NES: variants seen among roughly 807,000 people sequenced by gnomAD.
The protein encoded by NES is nestin.
Under a neutral mutation model 35.6 loss-of-function variants are expected in NES, and 27 were observed. The ratio of observed to expected loss-of-function variants is 0.76; its 90% CI spans 0.56 to 1.04. NES has a LOEUF of 1.04. Among genes scored for constraint, NES ranks in the 50% least tolerant of loss-of-function variants. The pLI is 0.00. For missense variants in NES, 1,867 were observed against 1,983.6 expected, an observed-to-expected ratio of 0.94 and a Z score of 1.12; for synonymous variants, 822 against 824.2, an observed-to-expected ratio of 1.00 and a Z score of 0.04.
chr1:156,672,783 G>A lies in NES; in HGVS notation c.1405C>T (p.Pro469Ser). The A allele has an allele frequency of 6.2e-7, 1 of 1,613,550 alleles. No individual in the cohort carries two copies. Among genetic ancestry groups the A allele is most frequent in the South Asian group, 1.1e-5 (1 of 91,082 alleles). Reference protein sequence around the residue: ...SPEDHASLAPPLSPDHSSLEA... With the variant: ...SPEDHASLAPSLSPDHSSLEA... ...AAACTGGAGTGGTCAGGGCTGAGGG[G>A]TGGTGCCAAGGAGGCATGGTCCTCT... Residue 469 changes from proline (P) to serine (S), a missense_variant, in exon 4 of 4, where the codon CCC becomes TCC. Coordinates refer to ENST00000368223, the MANE Select transcript of NES (RefSeq NM_006617.2).
chr1:156,675,127 C>A, intron 2 of NES, 89 bp downstream of exon 2: 2 of 1,500,422 alleles, frequency 1.3e-6, no homozygotes, highest in Non-Finnish European at 1.8e-6. Context: ...TTGCCATCAC[C>A]TACACCTCTG....
Position 156,676,765 on chromosome 1 carries a change from CCGCGGGGCGG to C in NES, c.490_499del (p.Pro164GlyfsTer9), listed in dbSNP as rs1255241814. The C allele has an allele frequency of 2.2e-6, 3 of 1,358,590 alleles. No homozygotes were observed. Among genetic ancestry groups the C allele is most frequent in the African/African-American group, 1.5e-5 (1 of 65,328 alleles). The allele number at this position is 1,358,590 out of a possible 1,614,324, so 84.2% of individuals were successfully genotyped here. On this transcript the variant is annotated frameshift_variant, in exon 1 of 4. Coordinates refer to ENST00000368223, the MANE Select transcript of NES (RefSeq NM_006617.2). LOFTEE classifies it high-confidence loss of function. The surrounding 1 kb of genome is among the most constrained non-coding windows in gnomAD (Gnocchi z 5.3). ...TACCTCCGGGGCCGGCGCGGGAGGC[CCGCGGGGCGG>C]CGCGGGGCAGCGGGGGGCACAGGCA...
rs747164825 is a variant in NES, at chr1:156,671,718, C to T, written c.2470G>A (p.Glu824Lys). ...GCAGACTTCAGTGATTCTAGGATCT[C>T]TGTTTCTAAAGATTTTACTGCCTCT... ...SVEAVKSLET[E>K]ILESLKSAGQ... The change falls in exon 4 of 4, where the codon GAG becomes AAG. Residue 824 changes from glutamate to lysine, a missense_variant. Transcript: ENST00000368223. 7 of 1,613,878 alleles carry T rather than the reference C, an allele frequency of 4.3e-6. No homozygotes were observed. The highest frequency in any genetic ancestry group is 2.5e-6 in the Non-Finnish European group (3 of 1,179,990).
intron 2 of NES, 137 bp downstream of exon 2, chr1:156,675,079 T>C (rs1647229097): frequency 1.8e-6 from 2 of 1,125,706 alleles, no homozygotes; most frequent in Non-Finnish European, 2.5e-6. Flanking sequence ...GGTGTGGAAG[T>C]GACCAGCCTA....
chr1:156,676,611 G>A lies in NES; in HGVS notation c.654C>T (p.Ala218=), dbSNP rs1415334919. 10 of 1,567,402 alleles carry A rather than the reference G, an allele frequency of 6.4e-6. No homozygotes were observed. In the African/African-American group the frequency reaches 6.8e-5, roughly 11 times the overall value. ...RERLGRAVQG[A]REGRLELQQL... is the part of the protein sequence containing the mutation. ...GCTGCAGCTCCAGGCGGCCCTCGCGGGCACCCTGCACCGCCCGGCCCAGCC... is the reference window on the plus strand; with the variant it reads ...GCTGCAGCTCCAGGCGGCCCTCGCGAGCACCCTGCACCGCCCGGCCCAGCC... The change falls in exon 1 of 4, where the codon GCC becomes GCT. Residue 218 remains alanine (A), a synonymous_variant. Coordinates refer to ENST00000368223, the MANE Select transcript of NES (RefSeq NM_006617.2). This position sits in a 1 kb window ranked among gnomAD's most constrained non-coding sequence, Gnocchi z 5.3.
intron 1 of NES, among the ~76,000 whole-genome samples, chr1:156,675,704 G>A (rs1446377446): frequency 6.6e-6 from 1 of 152,212 alleles, no homozygotes; most frequent in Non-Finnish European, 1.5e-5. Context: ...AGCGAAAGCA[G>A]AAGGAAAAAC....
Position 156,676,643 on chromosome 1 carries a change from G to T in NES, c.622C>A (p.Arg208Ser). The change falls in exon 1 of 4, where the codon CGC (arginine) becomes AGC (serine). Residue 208 changes from arginine (R) to serine (S), a missense_variant. Coordinates refer to ENST00000368223, the MANE Select transcript of NES (RefSeq NM_006617.2). The surrounding 1 kb of genome is among the most constrained non-coding windows in gnomAD (Gnocchi z 5.3). ...AHMETSLGQA[R>S]ERLGRAVQGA... Reference sequence around the variant, plus strand: ...TGCACCGCCCGGCCCAGCCGCTCGCGGGCCTGGCCCAGCGACGTCTCCATG... The same window carrying T: ...TGCACCGCCCGGCCCAGCCGCTCGCTGGCCTGGCCCAGCGACGTCTCCATG... 1 of 1,528,244 alleles carries T rather than the reference G, an allele frequency of 6.5e-7. No individual in the cohort carries two copies. Among genetic ancestry groups the T allele is most frequent in the Non-Finnish European group, 8.7e-7 (1 of 1,150,932 alleles). 94.7% of individuals were successfully genotyped at this position (1,528,244 alleles called of 1,614,324 possible). A position where few individuals can be genotyped will look rare whatever the true frequency, so the allele number is the denominator to read the frequency against.
In NES at chr1:156,674,506, G is replaced by C. The variant is rs536653271; in HGVS notation, c.908+710C>G. 2.2e-4 allele frequency among the ~76,000 whole-genome samples: 33 copies of C among 152,188 alleles called. No homozygotes were observed. The South Asian group carries it at 6.6e-3, about 31-fold the overall frequency. On this transcript the variant is annotated intron_variant, in intron 2 of 3. Coordinates refer to ENST00000368223, the MANE Select transcript of NES (RefSeq NM_006617.2). ...CTGGATCTCATGTGGCCCCTCACCA[G>C]CCACAGAGCCCCTTCCTCAGGCCCC...
In NES at chr1:156,672,554, G is replaced by T. The variant is rs1356462487; in HGVS notation, c.1634C>A (p.Thr545Asn). ...QDSQVPLEKE[T>N]LKSLGEEIQE... ...AATCTCCTCTCCCAGAGACTTCAGG[G>T]TTTCTTTTTCCAAAGGAACCTGGGA... The change falls in exon 4 of 4, where the codon ACC becomes AAC. Residue 545 changes from threonine to asparagine, a missense_variant. Thr to Asn is a moderately conservative substitution (Grantham distance 65, BLOSUM62 0). Transcript: ENST00000368223. 1.9e-6 allele frequency: 3 copies of T among 1,613,910 alleles called. No individual in the cohort carries two copies. Among genetic ancestry groups the T allele is most frequent in the Non-Finnish European group, 2.5e-6 (3 of 1,180,004 alleles).
At chr1:156,675,439 G>A in intron 1 of NES, 99 bp from the exon 2 acceptor site, 2 of 1,376,380 alleles carry the variant, frequency 1.5e-6, no homozygotes. Context: ...AGCACCTCCT[G>A]CTCCCTGGCT....
At position 156,676,829 on chromosome 1, in the gene NES, C is replaced by T. The variant is rs868037834; in HGVS notation, c.436G>A (p.Glu146Lys). Residue 146 changes from glutamate (E) to lysine (K), a missense_variant, in exon 1 of 4, where the codon GAG (glutamate) becomes AAG (lysine). Physicochemically the swap from Glu to Lys is moderately conservative, Grantham distance 56. Transcript: ENST00000368223. This position sits in a 1 kb window ranked among gnomAD's most constrained non-coding sequence, Gnocchi z 5.3. Reference sequence around the variant, plus strand: ...TGCGCGTTCAGGCCGACGCGCTCCTCCTCGTGCGCCACGCGTAGAGCCTCT... The same window carrying T: ...TGCGCGTTCAGGCCGACGCGCTCCTTCTCGTGCGCCACGCGTAGAGCCTCT... The part of the protein sequence containing the change: ...ELEALRVAHE[E>K]ERVGLNAQAA... 1 of 1,451,086 alleles carries T rather than the reference C, an allele frequency of 6.9e-7. No individual in the cohort carries two copies. Among genetic ancestry groups the T allele is most frequent in the Non-Finnish European group, 9.0e-7 (1 of 1,115,564 alleles). 89.9% of individuals were successfully genotyped at this position (1,451,086 alleles called of 1,614,324 possible).
rs1252284094 is a variant in NES at position 156,673,523 on chromosome 1, G to T, written c.913C>A (p.Leu305Ile). Residue 305 changes from leucine (L) to isoleucine (I), a missense_variant, in exon 3 of 4, where the codon CTC becomes ATC. By Grantham distance (5) the Leu-to-Ile change is conservative. Transcript: ENST00000368223. Reference protein sequence around the residue: ...LSLEVATYRTLLEAENSRLQT... With the variant: ...LSLEVATYRTILEAENSRLQT... Reference sequence around the variant, plus strand: ...AGCCGGGAGTTCTCAGCCTCCAGGAGGGTCCTGGAGAGGACAGAGGGAAAG... The same window carrying T: ...AGCCGGGAGTTCTCAGCCTCCAGGATGGTCCTGGAGAGGACAGAGGGAAAG... 2.5e-6 allele frequency: 4 copies of T among 1,609,778 alleles called. No individual in the cohort carries two copies. The highest frequency in any genetic ancestry group is 3.4e-6 in the Non-Finnish European group (4 of 1,176,814).
At chr1:156,673,352 C>A (rs1449944317) in intron 3 of NES, 102 bp downstream of exon 3, 2 of 1,348,148 alleles carry the variant, frequency 1.5e-6, no homozygotes, top group Admixed American at 2.0e-5. Flanking sequence ...ACACTGGAGG[C>A]CACGGACTTG....
rs753381641 is a variant in NES at position 156,676,936 on chromosome 1, G to T, written c.329C>A (p.Ala110Asp). 2.9e-5 allele frequency: 45 copies of T among 1,553,286 alleles called. No individual in the cohort carries two copies. The Middle Eastern group carries it at 1.8e-3, about 61-fold the overall frequency. Residue 110 changes from alanine to aspartate, a missense_variant, in exon 1 of 4, where the codon GCC (alanine) becomes GAC (aspartate). Ala to Asp is a moderately radical substitution (Grantham distance 126). Coordinates refer to ENST00000368223, the MANE Select transcript of NES (RefSeq NM_006617.2). The surrounding 1 kb of genome is among the most constrained non-coding windows in gnomAD (Gnocchi z 5.3). Reference protein sequence around the residue: ...LARERTTEEVARNRRAVEAEK... With the variant: ...LARERTTEEVDRNRRAVEAEK... Reference sequence around the variant, plus strand: ...TGCCTCGACGGCGCGCCGGTTGCGGGCTACCTCCTCCGTCGTCCGCTCCCG... The same window carrying T: ...TGCCTCGACGGCGCGCCGGTTGCGGTCTACCTCCTCCGTCGTCCGCTCCCG...
rs529987397 is a variant in NES, at chr1:156,676,956, C to T, written c.309G>A (p.Glu103=). Reference sequence around the variant, plus strand: ...TGCGGGCTACCTCCTCCGTCGTCCGCTCCCGGGCCAGCCGCAGCTGCTGGC... The same window carrying T: ...TGCGGGCTACCTCCTCCGTCGTCCGTTCCCGGGCCAGCCGCAGCTGCTGGC... ...GRCQQLRLAR[E]RTTEEVARNR... Residue 103 remains glutamate, a synonymous_variant, in exon 1 of 4, where the codon GAG becomes GAA. Coordinates refer to ENST00000368223, the MANE Select transcript of NES (RefSeq NM_006617.2). This position sits in a 1 kb window ranked among gnomAD's most constrained non-coding sequence, Gnocchi z 5.3. The T allele has an allele frequency of 5.1e-5, 79 of 1,558,872 alleles. No individual in the cohort carries two copies. In the East Asian group the frequency reaches 5.3e-4, roughly 10 times the overall value.
Position 156,677,122 on chromosome 1 carries a change from G to C in NES, c.143C>G (p.Ala48Gly). Reference sequence around the variant, plus strand: ...GGCATGCGCCCGCCAGGAGGTGTCCGCGGATTGTGCCCGGAGCCCCCCGAG... The same window carrying C: ...GGCATGCGCCCGCCAGGAGGTGTCCCCGGATTGTGCCCGGAGCCCCCCGAG... ...AELGGLRAQSADTSWRAHADD... is the reference protein window; with the variant it reads ...AELGGLRAQSGDTSWRAHADD... The change falls in exon 1 of 4, where the codon GCG (alanine) becomes GGG (glycine). Residue 48 changes from alanine to glycine, a missense_variant. By Grantham distance (60) the Ala-to-Gly change is moderately conservative (BLOSUM62 0). Coordinates refer to ENST00000368223, the MANE Select transcript of NES (RefSeq NM_006617.2). The surrounding 1 kb of genome is among the most constrained non-coding windows in gnomAD (Gnocchi z 4.5). The C allele has an allele frequency of 1.9e-6, 3 of 1,607,360 alleles. No individual in the cohort carries two copies. The highest frequency in any genetic ancestry group is 2.2e-5 in the South Asian group (2 of 90,218).
At position 156,677,138 on chromosome 1, in the gene NES, GC is replaced by G. The variant is rs1437202416; in HGVS notation, c.126del (p.Leu43SerfsTer67). The G allele has an allele frequency of 3.7e-6, 6 of 1,609,438 alleles. No individual in the cohort carries two copies. The highest frequency in any genetic ancestry group is 5.1e-6 in the Non-Finnish European group (6 of 1,178,676). On this transcript the variant is annotated frameshift_variant, in exon 1 of 4. Coordinates refer to ENST00000368223, the MANE Select transcript of NES (RefSeq NM_006617.2). LOFTEE classifies it high-confidence loss of function. The surrounding 1 kb of genome is among the most constrained non-coding windows in gnomAD (Gnocchi z 4.5). ...QNELLSAELG[G>X]LRAQSADTSW... ...GAGGTGTCCGCGGATTGTGCCCGGAGCCCCCCGAGCTCCGCGCTGAGCAGCT... is the reference window on the plus strand; with the variant it reads ...GAGGTGTCCGCGGATTGTGCCCGGAGCCCCCGAGCTCCGCGCTGAGCAGCT...
rs1191275872 is a variant in NES, at chr1:156,676,387, AG to A, written c.783+94del. 2.4e-6 allele frequency: 3 copies of A among 1,266,426 alleles called. No homozygotes were observed. The East Asian group carries it at 7.4e-5, about 31-fold the overall frequency. The allele number at this position is 1,266,426 out of a possible 1,614,324, so 78.4% of individuals were successfully genotyped here. A position where few individuals can be genotyped will look rare whatever the true frequency, so the allele number is the denominator to read the frequency against. On this transcript the variant is annotated intron_variant, in intron 1 of 3. Transcript: ENST00000368223. The surrounding 1 kb of genome is among the most constrained non-coding windows in gnomAD (Gnocchi z 5.3). ...CTGGCTCCTGATTCAGCAGCCAGCT[AG>A]CCCCACTCCCTTCCCAGAAGGTCTC...
chr1:156,677,281 A>C lies in NES; in HGVS notation c.-17T>G, dbSNP rs1355410148. The C allele has an allele frequency of 6.3e-7, 1 of 1,598,918 alleles. No individual in the cohort carries two copies. Among genetic ancestry groups the C allele is most frequent in the Admixed American group, 1.7e-5 (1 of 57,352 alleles). Reference sequence around the variant, plus strand: ...GCCCTCCATCCTGCTCGTCTGACCCACTGAGGATGGACAGACGCGGGGCAC... The same window carrying C: ...GCCCTCCATCCTGCTCGTCTGACCCCCTGAGGATGGACAGACGCGGGGCAC... On this transcript the variant is annotated 5_prime_UTR_variant, in exon 1 of 4. Transcript: ENST00000368223. The surrounding 1 kb of genome is among the most constrained non-coding windows in gnomAD (Gnocchi z 4.5).
Sources: allele counts gnomAD v4.1 joint callset (sites outside exome capture counted in the v4.1 genomes callset), GRCh38; gene constraint gnomAD v4.1.1; non-coding constraint Gnocchi (gnomAD v3.1); transcripts MANE v1.5; gene names NCBI Gene and HGNC (gene_info 2026-07-23, HGNC 2026-07-21).